ARID5B: variants seen among roughly 807,000 people sequenced by gnomAD.
ARID5B encodes the protein AT-rich interaction domain 5B.
Under a neutral mutation model 97.2 loss-of-function variants are expected in ARID5B, and 13 were observed. The ratio of observed to expected loss-of-function variants is 0.13; its 90% CI spans 0.09 to 0.21. The LOEUF (loss-of-function observed/expected upper bound fraction) is 0.21. Among genes scored for constraint, ARID5B ranks in the 10% least tolerant of loss-of-function variants. The probability of loss-of-function intolerance (pLI) is 1.00; values close to 1 mark genes in which losing one functional copy is unlikely to be tolerated. For missense variants in ARID5B, 1,210 were observed against 1,465.3 expected (o/e 0.83, Z 2.84); for synonymous variants, 556 against 570.3 (o/e 0.97, Z 0.36).
At chr10:62,003,786 G>T (rs1019970975) in intron 4 of ARID5B, among the ~76,000 whole-genome samples, 7 of 152,118 alleles carry the variant, frequency 4.6e-5, no homozygotes, top group African/African-American at 1.7e-4. Flanking sequence ...TCTGAAAATA[G>T]ACTTTGCATT....
At chr10:61,962,788 C>T (rs756869742) in intron 3 of ARID5B, among the ~76,000 whole-genome samples, 8 of 152,188 alleles carry the variant, frequency 5.3e-5, no homozygotes, top group African/African-American at 1.2e-4. Flanking sequence ...CTTCATCCAT[C>T]GACTAACAGT....
intron 7 of ARID5B, among the ~76,000 whole-genome samples, chr10:62,062,089 C>T (rs1044606389): frequency 1.3e-5 from 2 of 152,182 alleles, no homozygotes; most frequent in Admixed American, 1.3e-4. Flanking sequence ...GTACAGAATA[C>T]ATTTTTCTCT....
At chr10:62,037,342 A>G (rs1480369978) in intron 4 of ARID5B, among the ~76,000 whole-genome samples, 1 of 152,264 alleles carries the variant, frequency 6.6e-6, no homozygotes, top group East Asian at 1.9e-4. Flanking sequence ...GGGCCCTCAC[A>G]TGGTTAGAGT....
intron 2 of ARID5B, among the ~76,000 whole-genome samples, chr10:61,929,295 G>A (rs934612261): frequency 5.9e-5 from 9 of 152,140 alleles, no homozygotes; most frequent in African/African-American, 1.9e-4. Flanking sequence ...GGATGTTCAG[G>A]GAAGACTGAG....
intron 3 of ARID5B, among the ~76,000 whole-genome samples, chr10:61,964,452 C>G (rs1030814298): frequency 6.6e-6 from 1 of 152,186 alleles, no homozygotes; most frequent in African/African-American, 2.4e-5. Flanking sequence ...ACTGAAATCC[C>G]ACCCTATAAT....
chr10:62,096,060 G>A lies in ARID5B; in HGVS notation c.*3030G>A, dbSNP rs992350366. 32 of 233,312 alleles carry A rather than the reference G, an allele frequency of 1.4e-4. No individual in the cohort carries two copies. The highest frequency in any genetic ancestry group is 5.7e-4 in the African/African-American group (26 of 45,454). The allele number at this position is 233,312 out of a possible 1,614,324, so 14.5% of individuals were successfully genotyped here. Reference sequence around the variant, plus strand: ...ATAAAAAAATAAAAACAGCCCAACCGAGTTTCGGAATTAAGTATTCTTCTA... The same window carrying A: ...ATAAAAAAATAAAAACAGCCCAACCAAGTTTCGGAATTAAGTATTCTTCTA... On this transcript the variant is annotated 3_prime_UTR_variant, in exon 10 of 10. Coordinates refer to ENST00000279873, the MANE Select transcript of ARID5B (RefSeq NM_032199.3).
chr10:62,051,029 T>G, intron 5 of ARID5B, 29 bp downstream of exon 5: 96 of 1,564,316 alleles, frequency 6.1e-5, no homozygotes, highest in Non-Finnish European at 7.4e-5. Flanking sequence ...CGGTATTCAT[T>G]TCGTTGCATC....
intron 4 of ARID5B, among the ~76,000 whole-genome samples, chr10:62,040,872 A>C (rs1839627671): frequency 6.6e-6 from 1 of 152,218 alleles, no homozygotes; most frequent in South Asian, 2.1e-4. Context: ...TGACTGTATC[A>C]GACACAGCAA....
intron 2 of ARID5B, among the ~76,000 whole-genome samples, chr10:61,919,674 G>A (rs933985866): frequency 6.6e-6 from 1 of 152,232 alleles, no homozygotes; most frequent in African/African-American, 2.4e-5. Flanking sequence ...AACTGAATTC[G>A]ATATTTCTTA....
intron 4 of ARID5B, among the ~76,000 whole-genome samples, chr10:62,036,738 C>G (rs1033367618): frequency 2.6e-5 from 4 of 152,158 alleles, no homozygotes; most frequent in African/African-American, 9.7e-5. Flanking sequence ...ATTGAAAAAC[C>G]ATCTGCTGCC....
At chr10:62,049,538 G>T (rs1315020943) in intron 4 of ARID5B, 4 of 1,549,638 alleles carry the variant, frequency 2.6e-6, no homozygotes, top group East Asian at 2.4e-5. Flanking sequence ...TTTACCTTTG[G>T]TAATTCCAGG....
intron 3 of ARID5B, among the ~76,000 whole-genome samples, chr10:61,948,806 G>T (rs1252497669): frequency 6.6e-6 from 1 of 152,168 alleles, no homozygotes; most frequent in African/African-American, 2.4e-5. Context: ...TAAGGAGCTG[G>T]CTTGGCATCC....
At chr10:61,978,214 T>C (rs1838727608) in intron 3 of ARID5B, among the ~76,000 whole-genome samples, 1 of 152,216 alleles carries the variant, frequency 6.6e-6, no homozygotes, top group African/African-American at 2.4e-5. Context: ...GTTCCATTGG[T>C]CTATATCTCT....
chr10:61,961,505 A>G (rs754346273), intron 3 of ARID5B, among the ~76,000 whole-genome samples: 6 of 152,338 alleles, frequency 3.9e-5, no homozygotes, highest in Admixed American at 1.3e-4. Flanking sequence ...GAATTAATCT[A>G]TAGGCTCAGA....
At chr10:61,997,661 G>A (rs1240454272) in intron 3 of ARID5B, among the ~76,000 whole-genome samples, 1 of 152,198 alleles carries the variant, frequency 6.6e-6, no homozygotes, top group East Asian at 1.9e-4. Flanking sequence ...GGGAGATGGT[G>A]TTAAGTGCTA....
chr10:61,970,059 C>A (rs1278799841), intron 3 of ARID5B, among the ~76,000 whole-genome samples: 1 of 152,158 alleles, frequency 6.6e-6, no homozygotes, highest in Non-Finnish European at 1.5e-5. Flanking sequence ...ATGATCAGGT[C>A]TCCAAGATGC....
intron 3 of ARID5B, among the ~76,000 whole-genome samples, chr10:61,993,691 C>T (rs1462609833): frequency 6.6e-6 from 1 of 152,114 alleles, no homozygotes; most frequent in African/African-American, 2.4e-5. Context: ...GACAAATATT[C>T]GGTGTCACAA....
At chr10:61,982,245 T>C (rs1242073900) in intron 3 of ARID5B, among the ~76,000 whole-genome samples, 1 of 152,138 alleles carries the variant, frequency 6.6e-6, no homozygotes, top group Non-Finnish European at 1.5e-5. Context: ...TCTAGAAGAA[T>C]TAAGAGGGCT....
intron 2 of ARID5B, 102 bp downstream of exon 2, chr10:61,902,515 C>A: frequency 6.8e-7 from 1 of 1,466,192 alleles, no homozygotes; most frequent in Non-Finnish European, 9.2e-7. Flanking sequence ...CTTCTGCAGG[C>A]AAGCAGGATC....
Sources: gnomAD v4.1 joint callset for allele counts (sites outside exome capture counted in the v4.1 genomes callset) on GRCh38, gnomAD v4.1.1 for gene constraint, MANE v1.5 for transcripts, NCBI Gene and HGNC (gene_info 2026-07-23, HGNC 2026-07-21) for gene names.